ASB11: variants seen among roughly 807,000 people sequenced by gnomAD.
ASB11 encodes ankyrin repeat and SOCS box containing 11.
In ASB11, 17 loss-of-function variants were observed where a neutral mutation model predicts 20.1. The ratio of observed to expected loss-of-function variants is 0.85; its 90% CI spans 0.58 to 1.27. ASB11 has a LOEUF of 1.27. ASB11 is among the 50% of genes most tolerant of loss of function. The probability of loss-of-function intolerance (pLI) is 0.00; values close to 1 mark genes in which losing one functional copy is unlikely to be tolerated. For missense variants in ASB11, 259 were observed against 256.9 expected (o/e 1.01, Z -0.06); for synonymous variants, 107 against 105.6 (o/e 1.01, Z -0.08).
At chrX:15,286,663 C>CAAAAA (rs764801887) in intron 6 of ASB11, among the ~76,000 whole-genome samples, 1 of 54,375 alleles carries the variant, frequency 1.8e-5, no homozygotes, top group African/African-American at 7.6e-5. Context: ...GACTCCATCT[C>CAAAAA]AAAAAAAAAA....
intron 3 of ASB11, among the ~76,000 whole-genome samples, chrX:15,296,139 C>T (rs1418285301): frequency 9.0e-6 from 1 of 111,359 alleles, no homozygotes; most frequent in Non-Finnish European, 1.9e-5. Context: ...ATCCCAGTTA[C>T]TCAGGAGGCT....
In ASB11 at chrX:15,293,150, C is replaced by A; in HGVS notation, c.520+20G>T. 1 of 1,202,123 alleles carries A rather than the reference C, an allele frequency of 8.3e-7. No homozygotes were observed. The highest frequency in any genetic ancestry group is 1.1e-6 in the Non-Finnish European group (1 of 890,759). On this transcript the variant is annotated intron_variant, in intron 4 of 6. Transcript: ENST00000480796. ...AGTGAGCCCATCAATGTTTCACATG[C>A]ATTGTGGTGGCTCATTTACCTCTCT... is the stretch of plus-strand genomic sequence containing the variant.
chrX:15,283,433 T>C lies in ASB11; in HGVS notation c.*72A>G. On this transcript the variant is annotated 3_prime_UTR_variant, in exon 7 of 7. Coordinates refer to ENST00000480796, the MANE Select transcript of ASB11 (RefSeq NM_080873.3). The stretch of plus-strand genomic sequence containing the variant: ...CTAGGAGTCTAAGCTGTTGAGCTTC[T>C]ACATTAGGTACTCTAGGTACAGCAG... 1 of 1,160,545 alleles carries C rather than the reference T, an allele frequency of 8.6e-7. No individual in the cohort carries two copies. The highest frequency in any genetic ancestry group is 1.2e-6 in the Non-Finnish European group (1 of 851,097).
At chrX:15,293,710 C>T (rs1048821335) in intron 3 of ASB11, among the ~76,000 whole-genome samples, 5 of 111,689 alleles carry the variant, frequency 4.5e-5, no homozygotes, top group African/African-American at 1.6e-4. Context: ...AACTTCCTCT[C>T]TGGTCTACTA....
chrX:15,311,794 T>C (rs894264362), intron 1 of ASB11, among the ~76,000 whole-genome samples: 12 of 111,082 alleles, frequency 1.1e-4, no homozygotes, highest in Non-Finnish European at 1.9e-4. Flanking sequence ...TGGCCAGGAC[T>C]TAGGTTAAGC....
intron 3 of ASB11, among the ~76,000 whole-genome samples, chrX:15,296,036 G>A (rs1920961812): frequency 8.9e-6 from 1 of 112,326 alleles, no homozygotes; most frequent in African/African-American, 3.2e-5. Context: ...GAGGTCAGGA[G>A]TCTGAAACCA....
Position 15,302,778 on chromosome X carries a change from C to T in ASB11, c.211G>A (p.Glu71Lys), listed in dbSNP as rs750028021. The T allele has an allele frequency of 1.7e-6, 2 of 1,211,158 alleles. No individual in the cohort carries two copies. The highest frequency in any genetic ancestry group is 2.2e-6 in the Non-Finnish European group (2 of 895,112). Residue 71 changes from glutamate (E) to lysine (K), a missense_variant, in exon 2 of 7, where the codon GAA (glutamate) becomes AAA (lysine). Transcript: ENST00000480796. ...DCWADRSPLH[E>K]AAAQGRLLAL... ...AGTAAGCGCCCCTGAGCTGCAGCTT[C>T]ATGAAGTGGGGATCGATCAGCCCAG...
At position 15,287,984 on chromosome X, in the gene ASB11, G is replaced by A. The variant is rs778231280; in HGVS notation, c.744C>T (p.Thr248=). The A allele has an allele frequency of 8.3e-6, 10 of 1,210,529 alleles. No individual in the cohort carries two copies. The highest frequency in any genetic ancestry group is 7.0e-5 in the South Asian group (4 of 56,857). ...TACGCTTCAGGTTAGCTCCATAGTC[G>A]GTTAGCAGGTGGATGACCTCCACAT... is the stretch of plus-strand genomic sequence containing the variant. ...QSNVEVIHLL[T]DYGANLKRRN... is the part of the protein sequence containing the mutation. Residue 248 remains threonine, a synonymous_variant, in exon 6 of 7, where the codon ACC becomes ACT. Transcript: ENST00000480796.
intron 2 of ASB11, among the ~76,000 whole-genome samples, chrX:15,302,240 C>T (rs1921091110): frequency 9.0e-6 from 1 of 111,492 alleles, no homozygotes; most frequent in African/African-American, 3.3e-5. Flanking sequence ...CTGGCTGACA[C>T]GTGGCAGCCT....
rs773636633 is a variant in ASB11, at chrX:15,293,311, C to T, written c.379G>A (p.Val127Met). The T allele has an allele frequency of 2.5e-6, 3 of 1,205,318 alleles. No individual in the cohort carries two copies. The Admixed American group carries it at 6.7e-5, about 27-fold the overall frequency. The change falls in exon 4 of 7, where the codon GTG (valine) becomes ATG (methionine). Residue 127 changes from valine to methionine, a missense_variant. Val to Met is a conservative substitution (Grantham distance 21). Coordinates refer to ENST00000480796, the MANE Select transcript of ASB11 (RefSeq NM_080873.3). ...LLENGAHVNG[V>M]TVHGATPLFN... Reference sequence around the variant, plus strand: ...AGGGGTGTGGCTCCGTGAACTGTCACTCCATTGACCTAATGATGGGCAAAG... The same window carrying T: ...AGGGGTGTGGCTCCGTGAACTGTCATTCCATTGACCTAATGATGGGCAAAG...
chrX:15,292,628 A>G (rs1927562603), intron 4 of ASB11, among the ~76,000 whole-genome samples: 1 of 112,556 alleles, frequency 8.9e-6, no homozygotes, highest in African/African-American at 3.2e-5. Context: ...TTTCTTTTCA[A>G]TAACTATGAC....
chrX:15,302,496 T>C (rs1295555027), intron 2 of ASB11, among the ~76,000 whole-genome samples: 1 of 109,690 alleles, frequency 9.1e-6, no homozygotes, highest in Non-Finnish European at 1.9e-5. Flanking sequence ...TCTTATGAGG[T>C]AAAGGAAGGC....
intron 5 of ASB11, among the ~76,000 whole-genome samples, chrX:15,288,712 TGTCTCTACTAAAAATACAATAA>T: frequency 9.0e-6 from 1 of 110,502 alleles, no homozygotes. Flanking sequence ...GGTAAAATCC[TGTCTCTACTAAAAATACAATAA>T]ATTAGCCGGG....
chrX:15,300,460 A>G (rs2147696791), intron 2 of ASB11, among the ~76,000 whole-genome samples: 1 of 112,945 alleles, frequency 8.9e-6, no homozygotes, highest in Non-Finnish European at 1.9e-5. Flanking sequence ...TAAAGTTTAT[A>G]AAAGTAGACA....
chrX:15,292,411 T>C (rs1402409137), intron 4 of ASB11, among the ~76,000 whole-genome samples: 1 of 112,278 alleles, frequency 8.9e-6, no homozygotes, highest in Non-Finnish European at 1.9e-5. Context: ...TCACTTGCTA[T>C]CATCAAAATG....
Position 15,289,580 on chromosome X carries a change from C to T in ASB11, c.579G>A (p.Val193=). 8.3e-7 allele frequency: 1 copy of T among 1,209,781 alleles called. No homozygotes were observed. Among genetic ancestry groups the T allele is most frequent in the Non-Finnish European group, 1.1e-6 (1 of 893,689 alleles). Residue 193 remains valine (V), a synonymous_variant, in exon 5 of 7, where the codon GTG becomes GTA. Coordinates refer to ENST00000480796, the MANE Select transcript of ASB11 (RefSeq NM_080873.3). ...CATATAGGGGAGTTCCGAGCTGAGGCACCTCATGGTCAATGTTAACATTAT... is the reference window on the plus strand; with the variant it reads ...CATATAGGGGAGTTCCGAGCTGAGGTACCTCATGGTCAATGTTAACATTAT... ...LANNVNIDHE[V]PQLGTPLYVA... is the part of the protein sequence containing the mutation.
chrX:15,313,473 G>GTA (rs1555942485), intron 1 of ASB11, among the ~76,000 whole-genome samples: 5 of 88,633 alleles, frequency 5.6e-5, no homozygotes, highest in Admixed American at 4.9e-4. Flanking sequence ...TCGTGTATAT[G>GTA]TATACACACA....
At position 15,283,255 on chromosome X, in the gene ASB11, A is replaced by G. The variant is rs971103245; in HGVS notation, c.*250T>C. ...GCCTATTGTTTTCACTCTACTTCACAGTTCTTTTAAGTTTCTTAACAACAA... is the reference window on the plus strand; with the variant it reads ...GCCTATTGTTTTCACTCTACTTCACGGTTCTTTTAAGTTTCTTAACAACAA... On this transcript the variant is annotated 3_prime_UTR_variant, in exon 7 of 7. Coordinates refer to ENST00000480796, the MANE Select transcript of ASB11 (RefSeq NM_080873.3). The G allele has an allele frequency of 6.8e-6, 2 of 293,363 alleles. No homozygotes were observed. The highest frequency in any genetic ancestry group is 1.0e-4 in the Admixed American group (2 of 19,170). The allele number at this position is 293,363 out of a possible 1,213,427, so 24.2% of individuals were successfully genotyped here.
rs889070723 is a variant in ASB11 at position 15,283,248 on chromosome X, A to G, written c.*257T>C. On this transcript the variant is annotated 3_prime_UTR_variant, in exon 7 of 7. Transcript: ENST00000480796. ...AAAAACAGCCTATTGTTTTCACTCT[A>G]CTTCACAGTTCTTTTAAGTTTCTTA... 1.8e-5 allele frequency: 5 copies of G among 276,594 alleles called. No homozygotes were observed. The highest frequency in any genetic ancestry group is 8.0e-5 in the African/African-American group (3 of 37,284). The allele number at this position is 276,594 out of a possible 1,213,427, so 22.8% of individuals were successfully genotyped here. A position where few individuals can be genotyped will look rare whatever the true frequency, so the allele number is the denominator to read the frequency against.
Sources: allele counts gnomAD v4.1 joint callset (sites outside exome capture counted in the v4.1 genomes callset), GRCh38; gene constraint gnomAD v4.1.1; transcripts MANE v1.5; gene names NCBI Gene and HGNC (gene_info 2026-07-23, HGNC 2026-07-21).